Variants in PCCA observed in about 807,000 individuals in gnomAD.
The protein encoded by PCCA is propionyl-CoA carboxylase alpha chain, mitochondrial.
Under a neutral mutation model 101.3 loss-of-function variants are expected in PCCA, and 74 were observed. That is an observed-to-expected ratio of 0.73 (90% CI 0.61 to 0.89). The LOEUF (loss-of-function observed/expected upper bound fraction) is 0.89. Ranked by LOEUF, PCCA falls within the 40% of genes least tolerant of loss-of-function variation. PCCA has a pLI of 0.00. For missense variants in PCCA, 891 were observed against 907.0 expected (o/e 0.98, Z 0.23); for synonymous variants, 294 against 313.6 (o/e 0.94, Z 0.66).
intron 17 of PCCA, among the ~76,000 whole-genome samples, chr13:100,334,423 G>T (rs2070116260): frequency 6.6e-6 from 1 of 152,166 alleles, no homozygotes; most frequent in Non-Finnish European, 1.5e-5. Context: ...TGCATATTGA[G>T]CAGAGTCCCT....
chr13:100,244,795 A>G (rs748535083), intron 8 of PCCA, among the ~76,000 whole-genome samples: 13 of 152,108 alleles, frequency 8.5e-5, no homozygotes, highest in Non-Finnish European at 1.5e-4. Context: ...AGTGTCATAA[A>G]ATAGTGTCAT....
chr13:100,495,698 G>T (rs1474463222), intron 21 of PCCA, among the ~76,000 whole-genome samples: 1 of 152,140 alleles, frequency 6.6e-6, no homozygotes, highest in East Asian at 1.9e-4. Flanking sequence ...TGTAACCACT[G>T]ACTTCAATTT....
intron 12 of PCCA, among the ~76,000 whole-genome samples, chr13:100,277,516 A>C (rs779543641): frequency 6.6e-6 from 1 of 152,076 alleles, no homozygotes; most frequent in Non-Finnish European, 1.5e-5. Context: ...AATAAGCCCA[A>C]GTTCCAAGCT....
At chr13:100,352,422 G>A (rs1214046037) in intron 18 of PCCA, among the ~76,000 whole-genome samples, 4 of 147,704 alleles carry the variant, frequency 2.7e-5, no homozygotes, top group Non-Finnish European at 5.9e-5. Context: ...TTTTGAGATA[G>A]GGTCTTGCTC....
chr13:100,242,618 G>A (rs2061208338), intron 8 of PCCA, among the ~76,000 whole-genome samples: 1 of 151,944 alleles, frequency 6.6e-6, no homozygotes, highest in African/African-American at 2.4e-5. Flanking sequence ...TATTAAAAGA[G>A]GAAAGGAGTG....
intron 18 of PCCA, among the ~76,000 whole-genome samples, chr13:100,360,416 C>T (rs2074445676): frequency 6.6e-6 from 1 of 152,112 alleles, no homozygotes; most frequent in Non-Finnish European, 1.5e-5. Context: ...ACCCCTGTCT[C>T]CTACCACACA....
chr13:100,225,042 T>G (rs1038616341), intron 7 of PCCA, among the ~76,000 whole-genome samples: 5 of 152,224 alleles, frequency 3.3e-5, no homozygotes, highest in Admixed American at 6.5e-5. Flanking sequence ...CATGACAGAA[T>G]TGTGGCATTA....
chr13:100,409,677 A>C (rs2077910790), intron 19 of PCCA, among the ~76,000 whole-genome samples: 1 of 152,140 alleles, frequency 6.6e-6, no homozygotes, highest in Non-Finnish European at 1.5e-5. Flanking sequence ...CCAGCAGTGG[A>C]GATTACAGTT....
chr13:100,094,228 C>CAAAAAAAAAAAAAAAAAAA (rs1219610982), intron 1 of PCCA, among the ~76,000 whole-genome samples: 1 of 54,018 alleles, frequency 1.9e-5, no homozygotes, highest in African/African-American at 6.6e-5. Context: ...AAATCTGTCT[C>CAAAAAAAAAAAAAAAAAAA]AAAAAAAAAA....
intron 4 of PCCA, among the ~76,000 whole-genome samples, chr13:100,149,968 G>A (rs1013795120): frequency 3.9e-5 from 6 of 152,054 alleles, no homozygotes; most frequent in African/African-American, 1.4e-4. Context: ...TGTATTTTAG[G>A]CATCTAATTG....
chr13:100,214,957 A>G (rs1319581146), intron 7 of PCCA, among the ~76,000 whole-genome samples: 2 of 152,172 alleles, frequency 1.3e-5, no homozygotes, highest in African/African-American at 4.8e-5. Flanking sequence ...ATGACTACTC[A>G]TATAAATGTT....
intron 19 of PCCA, among the ~76,000 whole-genome samples, chr13:100,382,321 A>G (rs1216882588): frequency 1.3e-5 from 2 of 152,146 alleles, no homozygotes; most frequent in South Asian, 2.1e-4. Flanking sequence ...GTCCCTCTGA[A>G]GTCAAGTCCC....
At chr13:100,429,886 TGTGAGCCATCA>T (rs950625591) in intron 20 of PCCA, among the ~76,000 whole-genome samples, 2 of 151,488 alleles carry the variant, frequency 1.3e-5, no homozygotes, top group African/African-American at 4.9e-5. Flanking sequence ...GGATTACAGG[TGTGAGCCATCA>T]CACCCAGCCA....
chr13:100,161,966 C>T (rs1396980166), intron 6 of PCCA, among the ~76,000 whole-genome samples: 2 of 151,940 alleles, frequency 1.3e-5, no homozygotes, highest in South Asian at 4.2e-4. Flanking sequence ...GAAATTTAAG[C>T]ACATGAAAAC....
chr13:100,102,775 T>G (rs2047388111), intron 1 of PCCA, 108 bp from the exon 2 acceptor site: 6 of 750,324 alleles, frequency 8.0e-6, no homozygotes, highest in Non-Finnish European at 1.4e-5. Context: ...AGAACTACAT[T>G]TATTGATCAG....
intron 6 of PCCA, among the ~76,000 whole-genome samples, chr13:100,203,924 A>T (rs2058694892): frequency 6.6e-6 from 1 of 152,142 alleles, no homozygotes; most frequent in African/African-American, 2.4e-5. Context: ...GTTCCTATTG[A>T]CATCACTATA....
chr13:100,301,450 G>A lies in PCCA; in HGVS notation c.1066-10G>A, dbSNP rs1486164333. The A allele has an allele frequency of 1.2e-6, 2 of 1,613,860 alleles. No homozygotes were observed. Among genetic ancestry groups the A allele is most frequent in the African/African-American group, 2.7e-5 (2 of 74,992 alleles). The stretch of plus-strand genomic sequence containing the variant: ...CTACACCTACTGACTGGCAGACCTT[G>A]GCCTTGCAGGTTGAGCATCCTGTCA... On this transcript the variant is annotated splice_polypyrimidine_tract_variant and intron_variant, in intron 12 of 23. Coordinates refer to ENST00000376285, the MANE Select transcript of PCCA (RefSeq NM_000282.4).
chr13:100,089,352 C>T lies in PCCA; in HGVS notation c.105+127C>T. On this transcript the variant is annotated intron_variant, in intron 1 of 23. Coordinates refer to ENST00000376285, the MANE Select transcript of PCCA (RefSeq NM_000282.4). ...CCCCCGCGCCCCGGTTCCGCATCAGCTACACCGCTTGCTTTCCTCCCTCCC... is the reference window on the plus strand; with the variant it reads ...CCCCCGCGCCCCGGTTCCGCATCAGTTACACCGCTTGCTTTCCTCCCTCCC... 4.1e-6 allele frequency: 5 copies of T among 1,224,428 alleles called. No homozygotes were observed. In the East Asian group the frequency reaches 9.4e-5, roughly 23 times the overall value. The allele number at this position is 1,224,428 out of a possible 1,614,324, so 75.8% of individuals were successfully genotyped here.
intron 1 of PCCA, among the ~76,000 whole-genome samples, chr13:100,095,085 C>T (rs2046646758): frequency 6.6e-6 from 1 of 152,194 alleles, no homozygotes; most frequent in South Asian, 2.1e-4. Flanking sequence ...CTTTGAGCTT[C>T]TGGTGGCTGC....
Sources: allele counts gnomAD v4.1 joint callset (sites outside exome capture counted in the v4.1 genomes callset), GRCh38; gene constraint gnomAD v4.1.1; transcripts MANE v1.5; gene names NCBI Gene and HGNC (gene_info 2026-07-23, HGNC 2026-07-21).